Variants in FGF10 observed in about 807,000 individuals in gnomAD.
The protein encoded by FGF10 is FGF-10.
FGF10 carries 2 observed loss-of-function variants against 19.8 expected under a neutral mutation model. The ratio of observed to expected loss-of-function variants is 0.10; its 90% CI spans 0.04 to 0.32. The LOEUF is 0.32. FGF10 is among the 10% of genes least tolerant of loss of function. The probability of loss-of-function intolerance (pLI) is 1.00; values close to 1 mark genes in which losing one functional copy is unlikely to be tolerated. For synonymous variants in FGF10, 112 were observed against 94.0 expected (o/e 1.19, Z -1.10); for missense variants, 191 against 246.3 (o/e 0.78, Z 1.50).
At chr5:44,354,298 TATA>T (rs1229983889) in intron 1 of FGF10, among the ~76,000 whole-genome samples, 1 of 151,484 alleles carries the variant, frequency 6.6e-6, no homozygotes, top group Non-Finnish European at 1.5e-5. Flanking sequence ...GCCTTAATAT[TATA>T]ATTAATGGCA....
At chr5:44,336,596 G>A (rs1740858932) in intron 1 of FGF10, among the ~76,000 whole-genome samples, 1 of 152,132 alleles carries the variant, frequency 6.6e-6, no homozygotes, top group African/African-American at 2.4e-5. Flanking sequence ...ATAGAGCAAT[G>A]CTTATACATT....
chr5:44,317,054 G>A (rs896721378), intron 1 of FGF10, among the ~76,000 whole-genome samples: 1 of 152,160 alleles, frequency 6.6e-6, no homozygotes. Context: ...AGTGTTGAAA[G>A]CATGTATTAA....
chr5:44,361,761 G>A (rs1257728170), intron 1 of FGF10, among the ~76,000 whole-genome samples: 1 of 151,580 alleles, frequency 6.6e-6, no homozygotes, highest in Non-Finnish European at 1.5e-5. Flanking sequence ...GCTATTTTCT[G>A]TAAGTTTGCT....
In FGF10 at chr5:44,303,788, GC is replaced by G. The variant is rs1328571445; in HGVS notation, c.*1206del. ...TATATATTTGATTTGCTCAGTTTAA[GC>G]CCCTGGGAGAGTTGCGCTTCATACC... On this transcript the variant is annotated 3_prime_UTR_variant, in exon 3 of 3. Coordinates refer to ENST00000264664, the MANE Select transcript of FGF10 (RefSeq NM_004465.2). 6.6e-6 allele frequency: 1 copy of G among 152,128 alleles called. No homozygotes were observed. Among genetic ancestry groups the G allele is most frequent in the Non-Finnish European group, 1.5e-5 (1 of 68,040 alleles). 9.4% of individuals were successfully genotyped at this position (152,128 alleles called of 1,614,324 possible). A position where few individuals can be genotyped will look rare whatever the true frequency, so the allele number is the denominator to read the frequency against.
chr5:44,388,054 T>C (rs1233872702), intron 1 of FGF10, among the ~76,000 whole-genome samples: 1 of 151,944 alleles, frequency 6.6e-6, no homozygotes, highest in African/African-American at 2.4e-5. Context: ...AGGGGCATCT[T>C]TGCACTGCAA....
chr5:44,351,693 A>G (rs1008082920), intron 1 of FGF10, among the ~76,000 whole-genome samples: 12 of 151,574 alleles, frequency 7.9e-5, no homozygotes, highest in Admixed American at 5.3e-4. Flanking sequence ...TTCTATACTA[A>G]CATTTCTATT....
At chr5:44,311,370 T>A (rs1334084400) in intron 1 of FGF10, among the ~76,000 whole-genome samples, 1 of 152,094 alleles carries the variant, frequency 6.6e-6, no homozygotes. Flanking sequence ...TAAGAAGACC[T>A]AGGGAACTAA....
intron 1 of FGF10, among the ~76,000 whole-genome samples, chr5:44,341,269 T>C (rs1463262239): frequency 1.3e-5 from 2 of 151,966 alleles, no homozygotes; most frequent in Non-Finnish European, 2.9e-5. Context: ...AAATGTGGTA[T>C]ACATAAGGAA....
At chr5:44,309,465 C>T (rs1740160400) in intron 2 of FGF10, among the ~76,000 whole-genome samples, 1 of 152,054 alleles carries the variant, frequency 6.6e-6, no homozygotes, top group Admixed American at 6.6e-5. Flanking sequence ...ACCAATCATG[C>T]TGTAATTATT....
At chr5:44,350,045 C>T (rs919964601) in intron 1 of FGF10, among the ~76,000 whole-genome samples, 1 of 151,082 alleles carries the variant, frequency 6.6e-6, no homozygotes, top group African/African-American at 2.4e-5. Flanking sequence ...TAAACAAACA[C>T]ACACACACAC....
At chr5:44,377,924 C>T (rs1237784107) in intron 1 of FGF10, among the ~76,000 whole-genome samples, 1 of 152,150 alleles carries the variant, frequency 6.6e-6, no homozygotes, top group Admixed American at 6.5e-5. Flanking sequence ...ACTATCTTAG[C>T]CGTTGATGTA....
rs563239147 is a variant in FGF10 at position 44,329,090 on chromosome 5, G to A, written c.326-18560C>T. Among the ~76,000 whole-genome samples, 6 of 152,282 alleles carry A rather than the reference G, an allele frequency of 3.9e-5. No homozygotes were observed. In the East Asian group the frequency reaches 7.7e-4, roughly 20 times the overall value. On this transcript the variant is annotated intron_variant, in intron 1 of 2. Transcript: ENST00000264664. ...AGAATAACTAGTTGACGTATTTGAA[G>A]AATTAATAATGTAGATTGTGCTCTT...
At chr5:44,334,735 A>T (rs1423313375) in intron 1 of FGF10, among the ~76,000 whole-genome samples, 1 of 152,176 alleles carries the variant, frequency 6.6e-6, no homozygotes, top group Non-Finnish European at 1.5e-5. Flanking sequence ...TAAAAAAATG[A>T]TACTATTGCA....
At chr5:44,333,829 T>G (rs527433642) in intron 1 of FGF10, among the ~76,000 whole-genome samples, 2 of 152,224 alleles carry the variant, frequency 1.3e-5, no homozygotes, top group African/African-American at 4.8e-5. Context: ...TGTGTGTTGG[T>G]GTCTCAGCAT....
chr5:44,375,748 TA>T (rs1045934357), intron 1 of FGF10, among the ~76,000 whole-genome samples: 1 of 152,008 alleles, frequency 6.6e-6, no homozygotes, highest in African/African-American at 2.4e-5. Flanking sequence ...CAGGTGTTAA[TA>T]ATAAAATGCC....
At chr5:44,335,227 C>T (rs2111771670) in intron 1 of FGF10, among the ~76,000 whole-genome samples, 1 of 152,162 alleles carries the variant, frequency 6.6e-6, no homozygotes, top group African/African-American at 2.4e-5. Flanking sequence ...AATGATCACT[C>T]ACCAAGAGGC....
At chr5:44,336,359 T>C (rs1740850425) in intron 1 of FGF10, among the ~76,000 whole-genome samples, 1 of 152,212 alleles carries the variant, frequency 6.6e-6, no homozygotes, top group Non-Finnish European at 1.5e-5. Flanking sequence ...TTATATATTT[T>C]ATTCTCGTCT....
chr5:44,363,288 T>C (rs1192138633), intron 1 of FGF10, among the ~76,000 whole-genome samples: 1 of 151,788 alleles, frequency 6.6e-6, no homozygotes, highest in African/African-American at 2.4e-5. Context: ...TAAATCTCAA[T>C]TAAACACAAT....
At chr5:44,363,312 T>C (rs1323982469) in intron 1 of FGF10, among the ~76,000 whole-genome samples, 4 of 151,834 alleles carry the variant, frequency 2.6e-5, no homozygotes, top group Non-Finnish European at 4.4e-5. Context: ...TTTTAATGGC[T>C]AATTGTGAAT....
Sources: gnomAD v4.1 joint callset for allele counts (sites outside exome capture counted in the v4.1 genomes callset) on GRCh38, gnomAD v4.1.1 for gene constraint, MANE v1.5 for transcripts, NCBI Gene and HGNC (gene_info 2026-07-23, HGNC 2026-07-21) for gene names.